FERRY3: variants seen among roughly 807,000 people sequenced by gnomAD.
FERRY3 encodes the protein FERRY endosomal RAB5 effector complex subunit 3.
the FERRY3 span, among the ~76,000 whole-genome samples, chr12:4,493,966 G>A: frequency 5.9e-5 from 9 of 152,038 alleles, no homozygotes; most frequent in Admixed American, 2.6e-4. Flanking sequence ...GATGGTGGGC[G>A]CCTGTAATCC....
chr12:4,525,522 C>T, the FERRY3 span: 4 of 1,613,238 alleles, frequency 2.5e-6, no homozygotes, highest in Admixed American at 5.0e-5. Flanking sequence ...AGTGAATTTA[C>T]ATCTTGATCT....
the FERRY3 span, among the ~76,000 whole-genome samples, chr12:4,527,301 C>T: frequency 4.6e-5 from 7 of 151,982 alleles, no homozygotes; most frequent in South Asian, 8.3e-4. Context: ...TTTATTTCAT[C>T]CTAAATATGT....
At chr12:4,511,336 C>T in the FERRY3 span, among the ~76,000 whole-genome samples, 5 of 150,772 alleles carry the variant, frequency 3.3e-5, no homozygotes, top group Non-Finnish European at 7.4e-5. Flanking sequence ...ATCAACGAGA[C>T]AGAAAGTCAA....
the FERRY3 span, among the ~76,000 whole-genome samples, chr12:4,507,168 GC>G: frequency 6.6e-6 from 1 of 152,054 alleles, no homozygotes; most frequent in Non-Finnish European, 1.5e-5. Context: ...CAATCTTCAT[GC>G]TTTTAGTCAC....
the FERRY3 span, among the ~76,000 whole-genome samples, chr12:4,524,647 T>A: frequency 1.3e-5 from 2 of 152,230 alleles, no homozygotes; most frequent in African/African-American, 4.8e-5. Context: ...GAATATACTT[T>A]AGGATTTGAA....
the FERRY3 span, chr12:4,500,331 T>G: frequency 6.2e-7 from 1 of 1,613,386 alleles, no homozygotes; most frequent in Non-Finnish European, 8.5e-7. Context: ...CCGTGTAATA[T>G]AAAATTCCCC....
chr12:4,522,571 G>A, the FERRY3 span, among the ~76,000 whole-genome samples: 2 of 152,190 alleles, frequency 1.3e-5, no homozygotes, highest in African/African-American at 2.4e-5. Context: ...TGGTGGGAAC[G>A]CAAAATTGTA....
the FERRY3 span, among the ~76,000 whole-genome samples, chr12:4,522,428 T>C: frequency 6.6e-6 from 1 of 152,028 alleles, no homozygotes; most frequent in Admixed American, 6.5e-5. Context: ...CATGAAAAAA[T>C]GTTAACATAA....
At chr12:4,522,045 AAAAT>A in the FERRY3 span, among the ~76,000 whole-genome samples, 3 of 152,216 alleles carry the variant, frequency 2.0e-5, no homozygotes, top group Non-Finnish European at 4.4e-5. Context: ...AGTGAGCCCT[AAAAT>A]AAACTATGGA....
the FERRY3 span, chr12:4,500,212 T>C: frequency 4.3e-6 from 7 of 1,614,088 alleles, no homozygotes; most frequent in East Asian, 1.1e-4. Flanking sequence ...ACTTTGAGTA[T>C]ATTTCGGAGT....
the FERRY3 span, chr12:4,518,191 C>T: frequency 6.2e-7 from 1 of 1,614,076 alleles, no homozygotes; most frequent in South Asian, 1.1e-5. Context: ...TTCTTTTATG[C>T]TTACAGAAGT....
At chr12:4,507,836 G>A in the FERRY3 span, among the ~76,000 whole-genome samples, 17 of 152,038 alleles carry the variant, frequency 1.1e-4, no homozygotes, top group African/African-American at 4.1e-4. Context: ...ATGTAAAAAA[G>A]GAAAATAAGT....
At chr12:4,505,179 T>C in the FERRY3 span, 1 of 664,898 alleles carries the variant, frequency 1.5e-6, no homozygotes, top group African/African-American at 1.8e-5. Context: ...GTACAAAGTG[T>C]TGTTTCAAAG....
chr12:4,523,069 G>C, the FERRY3 span, among the ~76,000 whole-genome samples: 22 of 152,026 alleles, frequency 1.4e-4, no homozygotes, highest in Non-Finnish European at 2.2e-4. Context: ...TAAAAGAGAA[G>C]AATTTTAACT....
the FERRY3 span, among the ~76,000 whole-genome samples, chr12:4,509,786 C>T: frequency 2.9e-5 from 4 of 139,688 alleles, no homozygotes; most frequent in Non-Finnish European, 4.5e-5. Flanking sequence ...GATAAAACCA[C>T]AAAGATGGGG....
the FERRY3 span, among the ~76,000 whole-genome samples, chr12:4,495,178 G>A: frequency 2.0e-5 from 3 of 151,904 alleles, no homozygotes; most frequent in Non-Finnish European, 4.4e-5. Context: ...TCTCATTCAC[G>A]GCATCTAATT....
chr12:4,507,907 C>T, the FERRY3 span, among the ~76,000 whole-genome samples: 1 of 152,286 alleles, frequency 6.6e-6, no homozygotes, highest in African/African-American at 2.4e-5. Flanking sequence ...TGTGAGATAG[C>T]ACTGGGTACC....
At chr12:4,525,307 T>C in the FERRY3 span, 1 of 1,613,648 alleles carries the variant, frequency 6.2e-7, no homozygotes, top group African/African-American at 1.3e-5. Flanking sequence ...TTATTACCCA[T>C]TCTTGATACT....
chr12:4,510,135 A>C, the FERRY3 span, among the ~76,000 whole-genome samples: 4 of 139,664 alleles, frequency 2.9e-5, no homozygotes, highest in African/African-American at 6.2e-5. Context: ...AACTGGAAGA[A>C]AGGGTATCAG....
Sources: allele counts gnomAD v4.1 joint callset (sites outside exome capture counted in the v4.1 genomes callset), GRCh38; gene constraint gnomAD v4.1.1; transcripts MANE v1.5; gene names NCBI Gene and HGNC (gene_info 2026-07-23, HGNC 2026-07-21).